WDR72: variants seen among roughly 807,000 people sequenced by gnomAD.
The protein encoded by WDR72 is WD repeat-containing protein 72.
A neutral mutation model predicts 124.2 loss-of-function variants in WDR72; 120 were observed. The ratio of observed to expected loss-of-function variants is 0.97; its 90% CI spans 0.83 to 1.12. WDR72 has a LOEUF of 1.12. Ranked by LOEUF, WDR72 falls within the 50% of genes most tolerant of loss-of-function variation. The pLI is 0.00. For synonymous variants in WDR72, 452 were observed against 441.7 expected, an observed-to-expected ratio of 1.02 and a Z score of -0.29; for missense variants, 1,387 against 1,278.8, an observed-to-expected ratio of 1.08 and a Z score of -1.29.
At chr15:53,557,782 A>G (rs959436691) in intron 18 of WDR72, among the ~76,000 whole-genome samples, 1 of 152,020 alleles carries the variant, frequency 6.6e-6, no homozygotes, top group African/African-American at 2.4e-5. Context: ...GGTTTCTATA[A>G]TAATATTACA....
chr15:53,716,769 A>AGTGCTACACTTAAGT (rs6145564), intron 3 of WDR72, 84 bp from the exon 4 acceptor site: 163 of 955,652 alleles, frequency 1.7e-4, no homozygotes, highest in Admixed American at 3.9e-4. Context: ...GTTTTTCTTT[A>AGTGCTACACTTAAGT]GCAGCCTGAT....
chr15:53,711,426 T>G lies in WDR72; in HGVS notation c.767A>C (p.Gln256Pro). Reference sequence around the variant, plus strand: ...AATCACTTCTCCACCAGCAAAGAACTGCCCATTTCTACTAACTTCAGTCAG... The same window carrying G: ...AATCACTTCTCCACCAGCAAAGAACGGCCCATTTCTACTAACTTCAGTCAG... The part of the protein sequence containing the change: ...LLLTEVSRNG[Q>P]FFAGGEVIAA... The change falls in exon 8 of 20, where the codon CAG becomes CCG. Residue 256 changes from glutamine (Q) to proline (P), a missense_variant. Transcript: ENST00000360509. 7 of 1,614,152 alleles carry G rather than the reference T, an allele frequency of 4.3e-6. No individual in the cohort carries two copies. Among genetic ancestry groups the G allele is most frequent in the Non-Finnish European group, 5.9e-6 (7 of 1,180,034 alleles).
chr15:53,714,767 C>T (rs1015100934), intron 5 of WDR72, among the ~76,000 whole-genome samples: 2 of 152,124 alleles, frequency 1.3e-5, no homozygotes, highest in Non-Finnish European at 2.9e-5. Flanking sequence ...TAAAATGAAA[C>T]CTTCCTATTT....
intron 9 of WDR72, among the ~76,000 whole-genome samples, chr15:53,708,368 G>A (rs2017443546): frequency 6.6e-6 from 1 of 152,134 alleles, no homozygotes; most frequent in African/African-American, 2.4e-5. Context: ...TGTGAAATAA[G>A]ACTAATAAAA....
intron 1 of WDR72, among the ~76,000 whole-genome samples, chr15:53,747,782 G>T (rs997354560): frequency 5.9e-5 from 9 of 152,182 alleles, no homozygotes; most frequent in Admixed American, 3.9e-4. Flanking sequence ...AAGGAAATGA[G>T]CATTAGATGT....
intron 18 of WDR72, among the ~76,000 whole-genome samples, chr15:53,553,995 A>T (rs1171660289): frequency 6.6e-6 from 1 of 152,166 alleles, no homozygotes; most frequent in East Asian, 1.9e-4. Flanking sequence ...AAATGTTTAC[A>T]TTCTTTTTGA....
rs1186701379 is a variant in WDR72 at position 53,536,917 on chromosome 15, G to C, written c.3149-13595C>G. Among the ~76,000 whole-genome samples, 4 of 152,036 alleles carry C rather than the reference G, an allele frequency of 2.6e-5. No homozygotes were observed. The South Asian group carries it at 6.2e-4, about 24-fold the overall frequency. ...TGCCTTAAGCTTTGAAAAACAGCTG[G>C]GATCATCTTCTTATAAGCTCCAGCT... is the stretch of plus-strand genomic sequence containing the variant. On this transcript the variant is annotated intron_variant, in intron 18 of 19. Coordinates refer to ENST00000360509, the MANE Select transcript of WDR72 (RefSeq NM_182758.4).
At chr15:53,701,681 T>C (rs2017184515) in intron 12 of WDR72, among the ~76,000 whole-genome samples, 1 of 152,220 alleles carries the variant, frequency 6.6e-6, no homozygotes, top group Non-Finnish European at 1.5e-5. Context: ...TGGAATGCAG[T>C]AGCATGATCT....
intron 14 of WDR72, among the ~76,000 whole-genome samples, chr15:53,629,167 A>C (rs1274353034): frequency 6.6e-6 from 1 of 151,598 alleles, no homozygotes; most frequent in Non-Finnish European, 1.5e-5. Context: ...ACCAACAGAC[A>C]ATATCAGCTG....
At chr15:53,743,244 TG>T (rs1233212037) in intron 1 of WDR72, among the ~76,000 whole-genome samples, 2 of 152,104 alleles carry the variant, frequency 1.3e-5, no homozygotes, top group Non-Finnish European at 2.9e-5. Context: ...ATTATGAAAG[TG>T]TTAAAAAGCT....
At chr15:53,750,342 G>A (rs1567063430) in intron 1 of WDR72, among the ~76,000 whole-genome samples, 1 of 152,068 alleles carries the variant, frequency 6.6e-6, no homozygotes, top group African/African-American at 2.4e-5. Context: ...TCTATTTACA[G>A]AATAGTTTAC....
intron 14 of WDR72, among the ~76,000 whole-genome samples, chr15:53,633,192 T>G (rs868102619): frequency 3.0e-4 from 46 of 152,180 alleles, no homozygotes; most frequent in Admixed American, 1.6e-3. Context: ...GGGGGTGGTT[T>G]CTAATAGTTT....
At chr15:53,544,104 C>T (rs1413724328) in intron 18 of WDR72, among the ~76,000 whole-genome samples, 42 of 140,912 alleles carry the variant, frequency 3.0e-4, no homozygotes, top group African/African-American at 1.1e-3. Context: ...TGGTACCATT[C>T]CTTCTGAAAC....
rs1891917921 is a variant in WDR72, at chr15:53,523,397, C to T, written c.3149-75G>A. 13 of 1,384,080 alleles carry T rather than the reference C, an allele frequency of 9.4e-6. No homozygotes were observed. The South Asian group carries it at 1.4e-4, about 15-fold the overall frequency. 85.7% of individuals were successfully genotyped at this position (1,384,080 alleles called of 1,614,324 possible). ...AAAGTAGTAGCAAACACCATTAAAA[C>T]ATTTCCTTTCAGTTCCACAGATATT... On this transcript the variant is annotated intron_variant, in intron 18 of 19. Transcript: ENST00000360509.
At chr15:53,698,540 C>T (rs542346403) in intron 13 of WDR72, among the ~76,000 whole-genome samples, 101 of 152,252 alleles carry the variant, frequency 6.6e-4, no homozygotes, top group Middle Eastern at 3.4e-3. Context: ...ATTATTACCC[C>T]ATTTCATAGA....
intron 14 of WDR72, among the ~76,000 whole-genome samples, chr15:53,661,954 C>A (rs1003437534): frequency 4.6e-5 from 7 of 152,118 alleles, no homozygotes; most frequent in African/African-American, 1.7e-4. Context: ...ATCCACTTTA[C>A]CCTTTTATTC....
rs1780489194 is a variant in WDR72 at position 53,708,002 on chromosome 15, T to A, written c.955-1928A>T. Among the ~76,000 whole-genome samples the A allele has an allele frequency of 4.6e-5, 7 of 152,260 alleles. 1 individual carries two copies. In the South Asian group the frequency reaches 1.2e-3, roughly 27 times the overall value. On this transcript the variant is annotated intron_variant, in intron 9 of 19. Transcript: ENST00000360509. The stretch of plus-strand genomic sequence containing the variant: ...GTGCTTTGCCTCTGGCAGCTGAAGT[T>A]CCCTGTTGCTCTCATCCCCTCTGCC...
intron 13 of WDR72, among the ~76,000 whole-genome samples, chr15:53,675,481 A>G (rs2016138377): frequency 6.6e-6 from 1 of 152,230 alleles, no homozygotes; most frequent in Non-Finnish European, 1.5e-5. Context: ...AATACATTTA[A>G]TTAATTGTAC....
intron 14 of WDR72, among the ~76,000 whole-genome samples, chr15:53,633,400 C>A (rs1456513338): frequency 6.6e-6 from 1 of 152,144 alleles, no homozygotes; most frequent in Non-Finnish European, 1.5e-5. Flanking sequence ...TCCTGTACAG[C>A]CTGCAGAACT....
Sources: gnomAD v4.1 joint callset for allele counts (sites outside exome capture counted in the v4.1 genomes callset) on GRCh38, gnomAD v4.1.1 for gene constraint, MANE v1.5 for transcripts, NCBI Gene and HGNC (gene_info 2026-07-23, HGNC 2026-07-21) for gene names.